BNC2: variants seen among roughly 807,000 people sequenced by gnomAD.
BNC2 encodes the protein zinc finger protein basonuclin-2.
In BNC2, 20 loss-of-function variants were observed where a neutral mutation model predicts 76.3. The observed-to-expected ratio is 0.26, with a 90% confidence interval of 0.18 to 0.38. The LOEUF (loss-of-function observed/expected upper bound fraction) is 0.38. BNC2 is among the 10% of genes least tolerant of loss of function. The pLI is 1.00. For synonymous variants in BNC2, 582 were observed against 514.8 expected (o/e 1.13, Z -1.77); for missense variants, 1,382 against 1,399.8 (o/e 0.99, Z 0.20).
At chr9:16,421,949 C>T (rs1323851142) in intron 6 of BNC2, among the ~76,000 whole-genome samples, 3 of 152,206 alleles carry the variant, frequency 2.0e-5, no homozygotes, top group Admixed American at 6.5e-5. Flanking sequence ...TCTGTTGCTT[C>T]TCACACATCT....
intron 3 of BNC2, among the ~76,000 whole-genome samples, chr9:16,646,701 A>C (rs577923863): frequency 6.6e-6 from 1 of 152,322 alleles, no homozygotes; most frequent in African/African-American, 2.4e-5. Flanking sequence ...CACAACTCAT[A>C]AACTGTACAC....
intron 4 of BNC2, among the ~76,000 whole-genome samples, chr9:16,561,305 C>G (rs529109404): frequency 6.6e-6 from 1 of 151,974 alleles, no homozygotes; most frequent in South Asian, 2.1e-4. Context: ...CATATGCCCC[C>G]ACTCACATAC....
At chr9:16,588,298 T>C (rs143910062) in intron 3 of BNC2, among the ~76,000 whole-genome samples, 3 of 152,378 alleles carry the variant, frequency 2.0e-5, no homozygotes, top group East Asian at 3.9e-4. Flanking sequence ...TTCTTCCCAA[T>C]GTATTGTTTT....
chr9:16,490,562 C>G (rs1822255608), intron 5 of BNC2, among the ~76,000 whole-genome samples: 1 of 152,128 alleles, frequency 6.6e-6, no homozygotes, highest in African/African-American at 2.4e-5. Context: ...TATCAGACGT[C>G]TATGTATCTG....
intron 1 of BNC2, among the ~76,000 whole-genome samples, chr9:16,827,228 C>T (rs1227650381): frequency 6.6e-6 from 1 of 152,166 alleles, no homozygotes; most frequent in Non-Finnish European, 1.5e-5. Context: ...GTAATTGAAG[C>T]CCTACAAGGC....
At chr9:16,661,417 T>C (rs1822107152) in intron 3 of BNC2, among the ~76,000 whole-genome samples, 2 of 152,186 alleles carry the variant, frequency 1.3e-5, no homozygotes, top group South Asian at 2.1e-4. Context: ...CAATAGTATA[T>C]GGGGAAGTGA....
chr9:16,517,599 TTAAG>T (rs1817478405), intron 5 of BNC2, among the ~76,000 whole-genome samples: 2 of 152,126 alleles, frequency 1.3e-5, no homozygotes, highest in Admixed American at 6.5e-5. Context: ...GCACACAAAC[TTAAG>T]TAAATGTACA....
intron 1 of BNC2, among the ~76,000 whole-genome samples, chr9:16,794,840 A>G (rs1817603092): frequency 6.6e-6 from 1 of 152,124 alleles, no homozygotes; most frequent in Non-Finnish European, 1.5e-5. Flanking sequence ...CATTTACACA[A>G]TTTTCCCCTT....
intron 4 of BNC2, among the ~76,000 whole-genome samples, chr9:16,557,869 GTTTT>G (rs1282366450): frequency 1.1e-4 from 17 of 149,072 alleles, no homozygotes; most frequent in Non-Finnish European, 1.5e-5. Context: ...TTGTTTGTTT[GTTTT>G]TTTTTGAGAC....
At chr9:16,575,601 A>C (rs114651003) in intron 4 of BNC2, among the ~76,000 whole-genome samples, 3,994 of 152,278 alleles carry the variant, frequency 0.026, 198 homozygotes, top group African/African-American at 0.09. Context: ...TTAATCAAGC[A>C]CCAAACCTTT....
At chr9:16,595,553 A>C (rs1005052299) in intron 3 of BNC2, among the ~76,000 whole-genome samples, 1 of 152,162 alleles carries the variant, frequency 6.6e-6, no homozygotes, top group African/African-American at 2.4e-5. Context: ...ATTTTTAAAA[A>C]ACACAAATAC....
chr9:16,799,312 T>G (rs1817728841), intron 1 of BNC2, among the ~76,000 whole-genome samples: 1 of 151,978 alleles, frequency 6.6e-6, no homozygotes, highest in Non-Finnish European at 1.5e-5. Context: ...TACTTTCTAT[T>G]TTATTTATTT....
chr9:16,591,106 C>T (rs564908858), intron 3 of BNC2, among the ~76,000 whole-genome samples: 27 of 152,262 alleles, frequency 1.8e-4, no homozygotes, highest in African/African-American at 5.1e-4. Context: ...AAATATCTCC[C>T]TGTATAATTT....
rs577979474 is a variant in BNC2 at position 16,708,936 on chromosome 9, A to C, written c.330+18861T>G. The stretch of plus-strand genomic sequence containing the variant: ...GAAAATGCATTCTCAAGTATTTCAC[A>C]TTAAGAGGGAATAATGTGTTAATTT... On this transcript the variant is annotated intron_variant, in intron 3 of 6. Transcript: ENST00000380672. Among the ~76,000 whole-genome samples, 8 of 152,318 alleles carry C rather than the reference A, an allele frequency of 5.3e-5. 1 individual carries two copies. In the South Asian group the frequency reaches 1.7e-3, roughly 32 times the overall value.
At chr9:16,707,235 G>T (rs1823706925) in intron 3 of BNC2, among the ~76,000 whole-genome samples, 1 of 151,370 alleles carries the variant, frequency 6.6e-6, no homozygotes, top group Non-Finnish European at 1.5e-5. Context: ...ATAGACATTT[G>T]ATTTTTTTCA....
At chr9:16,613,415 T>C (rs10962510) in intron 3 of BNC2, among the ~76,000 whole-genome samples, 131,958 of 152,180 alleles carry the variant, frequency 0.87, 58,300 homozygotes, top group East Asian at 0.98. Flanking sequence ...AAAGACAAAG[T>C]CAAAAGGAAA....
intron 2 of BNC2, chr9:16,728,213 C>T (rs1193643265): frequency 1.6e-6 from 1 of 622,220 alleles, no homozygotes; most frequent in East Asian, 2.8e-5. Flanking sequence ...AGTTTAACAG[C>T]TGCCTGTCAG....
intron 3 of BNC2, among the ~76,000 whole-genome samples, chr9:16,606,315 G>A (rs2133366190): frequency 6.6e-6 from 1 of 152,210 alleles, no homozygotes; most frequent in South Asian, 2.1e-4. Flanking sequence ...AGACTCTGAG[G>A]AATGGATTAG....
At chr9:16,607,238 T>G (rs1021227595) in intron 3 of BNC2, among the ~76,000 whole-genome samples, 2 of 152,216 alleles carry the variant, frequency 1.3e-5, no homozygotes, top group African/African-American at 4.8e-5. Context: ...CACAGTGCGC[T>G]GTGGTATCCA....
Sources: allele counts gnomAD v4.1 joint callset (sites outside exome capture counted in the v4.1 genomes callset), GRCh38; gene constraint gnomAD v4.1.1; transcripts MANE v1.5; gene names NCBI Gene and HGNC (gene_info 2026-07-23, HGNC 2026-07-21).